RSF1: variants seen among roughly 807,000 people sequenced by gnomAD.
RSF1 encodes remodeling and spacing factor 1, also known as HBV pX-associated protein 8.
In RSF1, 13 loss-of-function variants were observed where a neutral mutation model predicts 145.2. The observed-to-expected ratio is 0.09, with a 90% CI of 0.06 to 0.14. The LOEUF (loss-of-function observed/expected upper bound fraction) is 0.14, where lower values mean the gene tolerates loss of function less well. Among genes scored for constraint, RSF1 ranks in the 10% least tolerant of loss-of-function variants. The pLI is 1.00. For synonymous variants in RSF1, 577 were observed against 592.6 expected (o/e 0.97, Z 0.38); for missense variants, 1,517 against 1,718.2 (o/e 0.88, Z 2.07).
rs148049103 is a variant in RSF1 at position 77,738,060 on chromosome 11, C to T, written c.578+2671G>A. On this transcript the variant is annotated intron_variant, in intron 4 of 15. Transcript: ENST00000308488. Reference sequence around the variant, plus strand: ...AGAAGAATGGCGTGAACCCGGAAGGCGGAGCTTGCAGTGAGCCAAGATCGC... The same window carrying T: ...AGAAGAATGGCGTGAACCCGGAAGGTGGAGCTTGCAGTGAGCCAAGATCGC... 5.8e-3 allele frequency among the ~76,000 whole-genome samples: 886 copies of T among 152,302 alleles called. 3 individuals are homozygous for T. The highest frequency in any genetic ancestry group is 8.3e-3 in the Non-Finnish European group (567 of 68,010).
rs576101548 is a variant in RSF1 at position 77,708,053 on chromosome 11, T to A, written c.734-5558A>T. 9.2e-4 allele frequency among the ~76,000 whole-genome samples: 140 copies of A among 152,314 alleles called. 5 individuals are homozygous for A. The South Asian group carries it at 0.028, about 31-fold the overall frequency. Reference sequence around the variant, plus strand: ...CTATAGTGAACATGTAATATCTTTTTAACTAGATAAGTAAGAAACCCAGTG... The same window carrying A: ...CTATAGTGAACATGTAATATCTTTTAAACTAGATAAGTAAGAAACCCAGTG... On this transcript the variant is annotated intron_variant, in intron 5 of 15. Coordinates refer to ENST00000308488, the MANE Select transcript of RSF1 (RefSeq NM_016578.4).
At chr11:77,854,633 C>A in the RSF1 span, among the ~76,000 whole-genome samples, 341 of 152,360 alleles carry the variant, frequency 2.2e-3, no homozygotes, top group African/African-American at 7.4e-3. Context: ...AGCTCTGCCT[C>A]TGTGGCTCTG....
chr11:77,667,950 G>A (rs1419173821), intron 15 of RSF1, among the ~76,000 whole-genome samples: 2 of 151,898 alleles, frequency 1.3e-5, no homozygotes, highest in Admixed American at 1.3e-4. Context: ...TGATCCATCT[G>A]CCTTGGCCTC....
intron 1 of RSF1, among the ~76,000 whole-genome samples, chr11:77,782,733 AC>A (rs1165821961): frequency 6.6e-6 from 1 of 152,214 alleles, no homozygotes; most frequent in Non-Finnish European, 1.5e-5. Flanking sequence ...AGTGTCTGTA[AC>A]GTTTTATTGG....
chr11:77,682,764 G>T (rs1044492547), intron 11 of RSF1, among the ~76,000 whole-genome samples: 1 of 152,202 alleles, frequency 6.6e-6, no homozygotes, highest in Non-Finnish European at 1.5e-5. Context: ...CATTACAATT[G>T]TAAGTGCTTT....
chr11:77,838,195 G>A, the RSF1 span, among the ~76,000 whole-genome samples: 3 of 151,622 alleles, frequency 2.0e-5, no homozygotes, highest in Non-Finnish European at 4.4e-5. Flanking sequence ...ACACATATAG[G>A]TGCCAAATTG....
chr11:77,843,379 T>C, the RSF1 span, among the ~76,000 whole-genome samples: 3 of 152,086 alleles, frequency 2.0e-5, no homozygotes, highest in Non-Finnish European at 4.4e-5. Context: ...TCACCTGGGA[T>C]GTAGCCTCAA....
chr11:77,669,634 G>A (rs554932417), intron 15 of RSF1, among the ~76,000 whole-genome samples: 7 of 152,198 alleles, frequency 4.6e-5, no homozygotes, highest in Admixed American at 2.0e-4. Context: ...GCCATATGAG[G>A]TTAGTGGCTA....
intron 4 of RSF1, among the ~76,000 whole-genome samples, chr11:77,733,832 G>C (rs1961268589): frequency 6.6e-6 from 1 of 152,120 alleles, no homozygotes; most frequent in African/African-American, 2.4e-5. Context: ...AAAGTGCTGA[G>C]GTTATAGGTG....
Position 77,660,299 on chromosome 11 carries a change from C to T in RSF1, c.*6618G>A, listed in dbSNP as rs1020913166. On this transcript the variant is annotated 3_prime_UTR_variant, in exon 16 of 16. Transcript: ENST00000308488. ...AATTCTAACACACTAGGTGTTCATA[C>T]ACTGAAGTTAACCCCTGAAGCTTTA... 1 of 152,196 alleles carries T rather than the reference C, an allele frequency of 6.6e-6. No individual in the cohort carries two copies. The highest frequency in any genetic ancestry group is 2.4e-5 in the African/African-American group (1 of 41,450). The allele number at this position is 152,196 out of a possible 1,614,324, so 9.4% of individuals were successfully genotyped here.
chr11:77,698,788 AAT>A (rs1960344108), intron 6 of RSF1, 95 bp from the exon 7 acceptor site: 3 of 984,160 alleles, frequency 3.0e-6, no homozygotes, highest in Non-Finnish European at 3.1e-6. Flanking sequence ...ATATTCAGCC[AAT>A]ATACCAAAAA....
intron 1 of RSF1, among the ~76,000 whole-genome samples, chr11:77,772,400 C>T (rs878973061): frequency 5.3e-5 from 8 of 152,052 alleles, no homozygotes; most frequent in South Asian, 2.1e-4. Flanking sequence ...TCTCAAACTC[C>T]GGGGCTCAAG....
At chr11:77,714,941 A>C (rs1418384265) in intron 5 of RSF1, among the ~76,000 whole-genome samples, 1 of 152,180 alleles carries the variant, frequency 6.6e-6, no homozygotes, top group Non-Finnish European at 1.5e-5. Flanking sequence ...CAACATAGCA[A>C]GACCTCATCT....
chr11:77,731,198 A>G (rs1034972182), intron 4 of RSF1, among the ~76,000 whole-genome samples: 1 of 152,200 alleles, frequency 6.6e-6, no homozygotes, highest in African/African-American at 2.4e-5. Flanking sequence ...GTTCCCCAAC[A>G]GGAGTAAGGG....
the RSF1 span, among the ~76,000 whole-genome samples, chr11:77,834,707 G>T: frequency 2.6e-5 from 4 of 152,184 alleles, no homozygotes; most frequent in Non-Finnish European, 4.4e-5. Flanking sequence ...GAGCCACTGC[G>T]CCTGGCCAAG....
At chr11:77,849,979 T>TC in the RSF1 span, among the ~76,000 whole-genome samples, 1 of 152,154 alleles carries the variant, frequency 6.6e-6, no homozygotes, top group African/African-American at 2.4e-5. Context: ...AGGATCTGTT[T>TC]CCCCCACTAA....
intron 9 of RSF1, among the ~76,000 whole-genome samples, chr11:77,687,811 TTAAAA>T (rs376439779): frequency 1.1e-4 from 16 of 152,290 alleles, no homozygotes; most frequent in African/African-American, 3.8e-4. Flanking sequence ...GTGGCATACT[TTAAAA>T]TAAAAATTTC....
chr11:77,724,910 C>T (rs1326366032), intron 5 of RSF1, among the ~76,000 whole-genome samples: 1 of 152,196 alleles, frequency 6.6e-6, no homozygotes, highest in African/African-American at 2.4e-5. Context: ...TGGTACTACT[C>T]CTTGGCCTGG....
At chr11:77,724,637 T>C (rs1394113436) in intron 5 of RSF1, among the ~76,000 whole-genome samples, 1 of 152,168 alleles carries the variant, frequency 6.6e-6, no homozygotes, top group Non-Finnish European at 1.5e-5. Flanking sequence ...ACAATTTTTC[T>C]ATAGGAGGTG....
Sources: gnomAD v4.1 joint callset for allele counts (sites outside exome capture counted in the v4.1 genomes callset) on GRCh38, gnomAD v4.1.1 for gene constraint, MANE v1.5 for transcripts, NCBI Gene and HGNC (gene_info 2026-07-23, HGNC 2026-07-21) for gene names.